The following SRGAP1 variants were observed in gnomAD, a reference collection of about 807,000 sequenced individuals.
SRGAP1 encodes SLIT-ROBO Rho GTPase activating protein 1, also known as SLIT-ROBO Rho GTPase-activating protein 1.
In SRGAP1, 43 loss-of-function variants were observed where a neutral mutation model predicts 121.9. That is an observed-to-expected ratio of 0.35 (90% CI 0.28 to 0.46). The LOEUF is 0.46. Among genes scored for constraint, SRGAP1 ranks in the 20% least tolerant of loss-of-function variants. The pLI, the probability that SRGAP1 is intolerant of heterozygous loss-of-function variation, is 1.00. For missense variants in SRGAP1, 1,102 were observed against 1,350.9 expected (o/e 0.82, Z 2.89); for synonymous variants, 447 against 485.4 (o/e 0.92, Z 1.04).
Position 63,904,403 on chromosome 12 carries a change from G to A in SRGAP1, c.67+59520G>A, listed in dbSNP as rs74734107. Among the ~76,000 whole-genome samples, 1,510 of 152,248 alleles carry A rather than the reference G, an allele frequency of 9.9e-3. 33 individuals carry two copies. Among genetic ancestry groups the A allele is most frequent in the African/African-American group, 0.034 (1,420 of 41,526 alleles). On this transcript the variant is annotated intron_variant, in intron 1 of 21. Transcript: ENST00000355086. ...CTTCCTGTTCTATTGATTGGAATGC[G>A]AACATGATGGCAGGAACTGAAGCAG...
chr12:64,083,036 C>T (rs2035875460), intron 10 of SRGAP1, among the ~76,000 whole-genome samples: 1 of 152,158 alleles, frequency 6.6e-6, no homozygotes, highest in African/African-American at 2.4e-5. Context: ...GGGAGACATG[C>T]CCCACCTTTT....
intron 4 of SRGAP1, among the ~76,000 whole-genome samples, chr12:64,037,930 A>G (rs554058388): frequency 1.3e-5 from 2 of 152,334 alleles, no homozygotes; most frequent in South Asian, 4.1e-4. Flanking sequence ...CTATTCCTAC[A>G]TATAACTAAG....
At chr12:63,979,092 T>C (rs2136401992) in intron 1 of SRGAP1, among the ~76,000 whole-genome samples, 1 of 132,570 alleles carries the variant, frequency 7.5e-6, no homozygotes, top group South Asian at 2.5e-4. Flanking sequence ...CAGGCTGGAG[T>C]GCAGTGGCAC....
intron 2 of SRGAP1, among the ~76,000 whole-genome samples, chr12:63,985,378 T>C (rs1593006181): frequency 6.6e-6 from 1 of 152,000 alleles, no homozygotes; most frequent in Non-Finnish European, 1.5e-5. Flanking sequence ...TGGCTGCAGG[T>C]GTGAATCAGA....
intron 1 of SRGAP1, among the ~76,000 whole-genome samples, chr12:63,868,674 T>C (rs1471118515): frequency 6.6e-6 from 1 of 152,200 alleles, no homozygotes; most frequent in Admixed American, 6.5e-5. Flanking sequence ...AATTCTATTT[T>C]CTATGTGCAA....
intron 7 of SRGAP1, 46 bp downstream of exon 7, chr12:64,063,184 A>G: frequency 1.3e-6 from 2 of 1,498,640 alleles, no homozygotes; most frequent in Non-Finnish European, 1.8e-6. Flanking sequence ...CTCTTCACTT[A>G]TATTTCTCCT....
rs1708188 is a variant in SRGAP1, at chr12:64,148,997, G to T, written c.*6325G>T. On this transcript the variant is annotated 3_prime_UTR_variant, in exon 22 of 22. Transcript: ENST00000355086. ...TGTGTCTGGCTCCTTTTGTTGAAAT[G>T]TATGTTTGTAAGAGTCGTCATTGTT... 0.34 allele frequency: 51,051 copies of T among 152,096 alleles called. 9,353 individuals carry two copies. The highest frequency in any genetic ancestry group is 0.48 in the African/African-American group (19,776 of 41,474). 9.4% of individuals were successfully genotyped at this position (152,096 alleles called of 1,614,324 possible).
intron 6 of SRGAP1, among the ~76,000 whole-genome samples, chr12:64,058,504 TA>T (rs1237830650): frequency 1.3e-5 from 2 of 152,314 alleles, no homozygotes; most frequent in East Asian, 3.9e-4. Flanking sequence ...GGTTTTCAGA[TA>T]TTTTAAAAAT....
intron 1 of SRGAP1, 134 bp downstream of exon 1, chr12:63,845,017 C>A: frequency 1.2e-6 from 1 of 840,268 alleles, no homozygotes; most frequent in Admixed American, 2.0e-5. Flanking sequence ...TCTGAGCCAC[C>A]TGGGCTTCCT....
intron 1 of SRGAP1, among the ~76,000 whole-genome samples, chr12:63,927,432 G>A (rs368117617): frequency 1.1e-4 from 16 of 152,328 alleles, no homozygotes; most frequent in African/African-American, 3.6e-4. Flanking sequence ...AGGCCAGCCA[G>A]TCAGCAGATG....
chr12:64,084,423 T>C (rs940561835), intron 10 of SRGAP1, among the ~76,000 whole-genome samples: 12 of 152,216 alleles, frequency 7.9e-5, no homozygotes, highest in Admixed American at 7.2e-4. Context: ...ATCCTCAGAC[T>C]GCTGGAAGCT....
At chr12:63,883,874 G>A (rs1207337008) in intron 1 of SRGAP1, among the ~76,000 whole-genome samples, 1 of 150,964 alleles carries the variant, frequency 6.6e-6, no homozygotes, top group Non-Finnish European at 1.5e-5. Context: ...TAGCCAGGAT[G>A]GTCTGCATCT....
intron 1 of SRGAP1, among the ~76,000 whole-genome samples, chr12:63,916,775 C>T (rs558638123): frequency 2.0e-5 from 3 of 152,230 alleles, no homozygotes; most frequent in South Asian, 4.2e-4. Context: ...GTCTGGGAAT[C>T]GCATGCAGGC....
At chr12:63,967,790 A>T (rs145481456) in intron 1 of SRGAP1, among the ~76,000 whole-genome samples, 1 of 152,332 alleles carries the variant, frequency 6.6e-6, no homozygotes, top group Admixed American at 6.5e-5. Flanking sequence ...TTTGTTAGCA[A>T]AAGTGATGAA....
Position 64,108,947 on chromosome 12 carries a change from A to G in SRGAP1, c.1829A>G (p.Tyr610Cys), listed in dbSNP as rs2036388377. The G allele has an allele frequency of 7.5e-6, 12 of 1,602,896 alleles. No individual in the cohort carries two copies. Among genetic ancestry groups the G allele is most frequent in the Non-Finnish European group, 1.0e-5 (12 of 1,172,502 alleles). Residue 610 changes from tyrosine to cysteine, a missense_variant, in exon 16 of 22, where the codon TAT becomes TGT. By Grantham distance (194) the Tyr-to-Cys change is radical. Transcript: ENST00000355086. ...LISCIRIDNL[Y>C]ERALHIRKLL... is the part of the protein sequence containing the mutation. The stretch of plus-strand genomic sequence containing the variant: ...CTGTCTGTAGGAATAGATAATCTCT[A>G]TGAGAGGGCGCTTCACATCCGCAAA...
chr12:63,932,638 T>TC (rs2031520586), intron 1 of SRGAP1, among the ~76,000 whole-genome samples: 1 of 152,214 alleles, frequency 6.6e-6, no homozygotes, highest in African/African-American at 2.4e-5. Context: ...TGTTTCAAAG[T>TC]CCTTGAAATA....
At position 64,127,920 on chromosome 12, in the gene SRGAP1, G is replaced by T. The variant is rs776550286; in HGVS notation, c.2600G>T (p.Gly867Val). Residue 867 changes from glycine (G) to valine (V), a missense_variant, in exon 21 of 22, where the codon GGC (glycine) becomes GTC (valine). Gly to Val is a moderately radical substitution (Grantham distance 109). Transcript: ENST00000355086. ...AGGCGTCCTGGCAGGACCAGTGATGGCCATTGCCCGCTCCACCCTCCACAT... is the reference window on the plus strand; with the variant it reads ...AGGCGTCCTGGCAGGACCAGTGATGTCCATTGCCCGCTCCACCCTCCACAT... ...PVRRPGRTSD[G>V]HCPLHPPHAL... The T allele has an allele frequency of 6.8e-6, 11 of 1,614,168 alleles. No individual in the cohort carries two copies. The highest frequency in any genetic ancestry group is 9.3e-6 in the Non-Finnish European group (11 of 1,180,008).
intron 1 of SRGAP1, among the ~76,000 whole-genome samples, chr12:63,939,351 C>G (rs1223240775): frequency 1.3e-5 from 2 of 151,828 alleles, no homozygotes; most frequent in South Asian, 4.2e-4. Context: ...ACTATATGAA[C>G]AAAGAAAATA....
At position 63,948,501 on chromosome 12, in the gene SRGAP1, T is replaced by G. The variant is rs116554756; in HGVS notation, c.68-35446T>G. Reference sequence around the variant, plus strand: ...TCTTGGGATATCCCATTCCTACCTTTCTTCTTGATACAGTGGAAATATGGT... The same window carrying G: ...TCTTGGGATATCCCATTCCTACCTTGCTTCTTGATACAGTGGAAATATGGT... On this transcript the variant is annotated intron_variant, in intron 1 of 21. Transcript: ENST00000355086. 4.3e-3 allele frequency among the ~76,000 whole-genome samples: 651 copies of G among 152,278 alleles called. 4 individuals are homozygous for G. The highest frequency in any genetic ancestry group is 0.015 in the African/African-American group (622 of 41,562).
Sources: gnomAD v4.1 joint callset for allele counts (sites outside exome capture counted in the v4.1 genomes callset) on GRCh38, gnomAD v4.1.1 for gene constraint, MANE v1.5 for transcripts, NCBI Gene and HGNC (gene_info 2026-07-23, HGNC 2026-07-21) for gene names.